ARHGAP22: variants seen among roughly 807,000 people sequenced by gnomAD.
ARHGAP22 encodes the protein Rho GTPase activating protein 22.
In ARHGAP22, 48 loss-of-function variants were observed where a neutral mutation model predicts 59.1. That is an observed-to-expected ratio of 0.81 (90% confidence interval 0.64 to 1.03). The LOEUF is 1.03. Ranked by LOEUF, ARHGAP22 falls within the 50% of genes least tolerant of loss-of-function variation. ARHGAP22 has a pLI of 0.00. For missense variants in ARHGAP22, 1,015 were observed against 958.7 expected (o/e 1.06, Z -0.78); for synonymous variants, 445 against 416.4 (o/e 1.07, Z -0.84).
intron 1 of ARHGAP22, among the ~76,000 whole-genome samples, chr10:48,586,255 G>A (rs2059418982): frequency 6.6e-6 from 1 of 152,162 alleles, no homozygotes; most frequent in African/African-American, 2.4e-5. Context: ...TTTGGACTAA[G>A]GTTTGAGTTT....
chr10:48,604,213 C>T (rs867134732), intron 1 of ARHGAP22, among the ~76,000 whole-genome samples: 9 of 152,170 alleles, frequency 5.9e-5, no homozygotes, highest in Admixed American at 1.3e-4. Context: ...AGTCTGCTCC[C>T]GCATCCACCC....
intron 3 of ARHGAP22, chr10:48,493,463 T>C: frequency 6.5e-7 from 1 of 1,536,080 alleles, no homozygotes; most frequent in Non-Finnish European, 8.7e-7. Flanking sequence ...CTGCTCCTCT[T>C]CAGACACCTG....
chr10:48,580,843 A>G (rs1300115314), intron 2 of ARHGAP22, among the ~76,000 whole-genome samples: 1 of 146,408 alleles, frequency 6.8e-6, no homozygotes, highest in Non-Finnish European at 1.5e-5. Flanking sequence ...ATTTGTATCC[A>G]GTTATGTGTA....
intron 1 of ARHGAP22, among the ~76,000 whole-genome samples, chr10:48,596,888 C>G (rs1310436831): frequency 6.6e-6 from 1 of 152,194 alleles, no homozygotes; most frequent in East Asian, 1.9e-4. Flanking sequence ...TCCTCCCTCT[C>G]ACACCACACA....
chr10:48,442,127 T>C (rs1046140452), downstream of ARHGAP22, among the ~76,000 whole-genome samples: 1 of 152,188 alleles, frequency 6.6e-6, no homozygotes, highest in African/African-American at 2.4e-5. Flanking sequence ...CGCTGTGATA[T>C]TATAGTGATG....
intron 2 of ARHGAP22, among the ~76,000 whole-genome samples, chr10:48,564,093 A>C (rs1395778587): frequency 6.6e-6 from 1 of 152,240 alleles, no homozygotes; most frequent in African/African-American, 2.4e-5. Flanking sequence ...AATTTGATAA[A>C]GACTTTCTGA....
chr10:48,571,028 A>G (rs997122844), intron 2 of ARHGAP22, among the ~76,000 whole-genome samples: 2 of 152,172 alleles, frequency 1.3e-5, no homozygotes, highest in African/African-American at 4.8e-5. Flanking sequence ...ATTTGGCTGA[A>G]TGTAGTTCTT....
chr10:48,654,492 C>G (rs994502497), upstream of ARHGAP22, among the ~76,000 whole-genome samples: 4 of 152,240 alleles, frequency 2.6e-5, no homozygotes, highest in African/African-American at 9.6e-5. Flanking sequence ...CCAACCTGGT[C>G]TCATCCCAGG....
intron 1 of ARHGAP22, among the ~76,000 whole-genome samples, chr10:48,611,824 TTCCCTTCCC>T (rs2060898825): frequency 5.2e-5 from 1 of 19,070 alleles, no homozygotes; most frequent in Admixed American, 5.3e-4. Context: ...TTCCCTTCCC[TTCCCTTCCC>T]TTCCCTTCCC....
chr10:48,543,824 GA>G (rs1041032108), intron 3 of ARHGAP22, among the ~76,000 whole-genome samples: 1 of 150,608 alleles, frequency 6.6e-6, no homozygotes, highest in Non-Finnish European at 1.5e-5. Context: ...AAGAAGAACT[GA>G]AAAAAAAAGA....
At chr10:48,650,231 T>C (rs2062504465) in intron 1 of ARHGAP22, among the ~76,000 whole-genome samples, 1 of 151,292 alleles carries the variant, frequency 6.6e-6, no homozygotes, top group Non-Finnish European at 1.5e-5. Context: ...TGTTTGAGAT[T>C]AGGTAATCAT....
In ARHGAP22 at chr10:48,446,190, T is replaced by C; in HGVS notation, c.*201A>G. ...TCCCCTTCTGACCCTCACCAGGAACTGCATGGTTGGAGCAGCATCTGATCC... is the reference window on the plus strand; with the variant it reads ...TCCCCTTCTGACCCTCACCAGGAACCGCATGGTTGGAGCAGCATCTGATCC... On this transcript the variant is annotated 3_prime_UTR_variant, in exon 10 of 10. Transcript: ENST00000249601. 1 of 609,220 alleles carries C rather than the reference T, an allele frequency of 1.6e-6. No individual in the cohort carries two copies. Among genetic ancestry groups the C allele is most frequent in the Non-Finnish European group, 2.9e-6 (1 of 346,372 alleles). 37.7% of individuals were successfully genotyped at this position (609,220 alleles called of 1,614,324 possible).
chr10:48,581,040 G>A (rs188619044), intron 2 of ARHGAP22, among the ~76,000 whole-genome samples: 165 of 151,946 alleles, frequency 1.1e-3, no homozygotes, highest in Non-Finnish European at 1.6e-4. Context: ...ATTTAAAATC[G>A]GGCCAAGTGG....
intron 4 of ARHGAP22, among the ~76,000 whole-genome samples, chr10:48,464,368 C>T (rs762314595): frequency 8.5e-5 from 13 of 152,202 alleles, no homozygotes; most frequent in East Asian, 1.9e-4. Context: ...TCCCCCATGG[C>T]GCCTTCCTGA....
intron 6 of ARHGAP22, 83 bp from the exon 7 acceptor site, chr10:48,454,244 G>C: frequency 7.7e-7 from 1 of 1,295,220 alleles, no homozygotes. Flanking sequence ...TGGGCAAAGA[G>C]AAGGGAGGTG....
intron 4 of ARHGAP22, among the ~76,000 whole-genome samples, chr10:48,467,176 G>C (rs540753424): frequency 5.9e-5 from 9 of 152,244 alleles, no homozygotes; most frequent in Non-Finnish European, 1.3e-4. Flanking sequence ...AGTCTGAGGG[G>C]TATTAGCTTC....
At chr10:48,442,540 G>A (rs918745913), downstream of ARHGAP22, among the ~76,000 whole-genome samples, 2 of 152,034 alleles carry the variant, frequency 1.3e-5, no homozygotes, top group Non-Finnish European at 2.9e-5. Context: ...AGAACCTGAA[G>A]CCCACCCCCA....
intron 8 of ARHGAP22, among the ~76,000 whole-genome samples, chr10:48,451,844 C>G (rs754216827): frequency 1.3e-5 from 2 of 151,696 alleles, no homozygotes; most frequent in Non-Finnish European, 2.9e-5. Context: ...GCACTCTACC[C>G]AGTTTCCCCA....
chr10:48,560,007 C>G (rs1270639990), intron 2 of ARHGAP22, among the ~76,000 whole-genome samples: 1 of 152,096 alleles, frequency 6.6e-6, no homozygotes, highest in African/African-American at 2.4e-5. Context: ...TAATGGCTCC[C>G]CAAAAGATAT....
Sources: gnomAD v4.1 joint callset for allele counts (sites outside exome capture counted in the v4.1 genomes callset) on GRCh38, gnomAD v4.1.1 for gene constraint, MANE v1.5 for transcripts, NCBI Gene and HGNC (gene_info 2026-07-23, HGNC 2026-07-21) for gene names.